Variants in TRPM1 observed in about 807,000 individuals in gnomAD.
TRPM1 encodes transient receptor potential cation channel subfamily M member 1, also known as TRPM1-203 APA Isoform, Intron 10.
A neutral mutation model predicts 149.4 loss-of-function variants in TRPM1; 113 were observed. The ratio of observed to expected loss-of-function variants is 0.76; its 90% CI spans 0.65 to 0.88. TRPM1 has a LOEUF of 0.88. Among genes scored for constraint, TRPM1 ranks in the 40% least tolerant of loss-of-function variants. The probability of loss-of-function intolerance (pLI) is 0.00; values close to 1 mark genes in which losing one functional copy is unlikely to be tolerated. For missense variants in TRPM1, 1,976 were observed against 2,038.7 expected, an observed-to-expected ratio of 0.97 and a Z score of 0.59; for synonymous variants, 741 against 759.5, an observed-to-expected ratio of 0.98 and a Z score of 0.40.
rs2033798324 is a variant in TRPM1 at position 31,047,227 on chromosome 15, TGTG to T, written c.1645_1647del (p.His549del). ...ACGAGCCCGATGTCTATGAGGCTGA[TGTG>T]GTAATCAGGCGGAAGGTTGCTCTGT... is the stretch of plus-strand genomic sequence containing the variant. On this transcript the variant is annotated inframe_deletion, in exon 15 of 28. Coordinates refer to ENST00000256552, the MANE Select transcript of TRPM1 (RefSeq NM_001252024.2). 1.2e-6 allele frequency: 2 copies of T among 1,614,210 alleles called. No homozygotes were observed. Among genetic ancestry groups the T allele is most frequent in the South Asian group, 1.1e-5 (1 of 91,086 alleles).
At chr15:31,157,124 A>G (rs1426079861) in intron 1 of TRPM1, among the ~76,000 whole-genome samples, 1 of 151,778 alleles carries the variant, frequency 6.6e-6, no homozygotes, top group Non-Finnish European at 1.5e-5. Context: ...TGTTGCCCAG[A>G]CTCGTCTCAA....
chr15:31,136,146 G>T (rs1454294509), intron 1 of TRPM1, among the ~76,000 whole-genome samples: 1 of 152,084 alleles, frequency 6.6e-6, no homozygotes. Flanking sequence ...CTTATCTCTG[G>T]GAGAGTGGGA....
intron 1 of TRPM1, among the ~76,000 whole-genome samples, chr15:31,135,478 A>T (rs2036076222): frequency 6.6e-6 from 1 of 152,242 alleles, no homozygotes; most frequent in Non-Finnish European, 1.5e-5. Context: ...ACCCAAGTAC[A>T]TGCATATGGA....
chr15:31,138,439 A>G (rs2036118551), intron 1 of TRPM1, among the ~76,000 whole-genome samples: 2 of 152,214 alleles, frequency 1.3e-5, no homozygotes, highest in South Asian at 4.1e-4. Flanking sequence ...GAAAAATTCA[A>G]TTGTGAGGGA....
intron 15 of TRPM1, 106 bp downstream of exon 15, chr15:31,047,005 A>C (rs2033784321): frequency 6.8e-7 from 1 of 1,478,582 alleles, no homozygotes; most frequent in Admixed American, 1.7e-5. Flanking sequence ...TGTGCTGGGG[A>C]CAGGGCGAAG....
Position 31,032,939 on chromosome 15 carries a change from A to T in TRPM1, c.2702T>A (p.Ile901Asn). 6.2e-7 allele frequency: 1 copy of T among 1,614,188 alleles called. No homozygotes were observed. The highest frequency in any genetic ancestry group is 8.5e-7 in the Non-Finnish European group (1 of 1,180,048). Residue 901 changes from isoleucine to asparagine, a missense_variant and splice_region_variant, in exon 22 of 28, where the codon ATC (isoleucine) becomes AAC (asparagine). Physicochemically the swap from Ile to Asn is moderately radical, Grantham distance 149 (BLOSUM62 -3). This residue lies in a region of TRPM1 where 1,332 missense variants were observed against 1,347.1 expected (regional missense o/e 0.99). Coordinates refer to ENST00000256552, the MANE Select transcript of TRPM1 (RefSeq NM_001252024.2). ...VSLALEKIRE[I>N]LMSEPGKLSQ... Reference sequence around the variant, plus strand: ...GAGTTTGCCTGGTTCTGACATGAGGATCTGAAAACAAACCCCAAAGAACAA... The same window carrying T: ...GAGTTTGCCTGGTTCTGACATGAGGTTCTGAAAACAAACCCCAAAGAACAA...
intron 16 of TRPM1, among the ~76,000 whole-genome samples, chr15:31,043,878 T>C (rs1323711992): frequency 6.6e-6 from 1 of 151,828 alleles, no homozygotes; most frequent in African/African-American, 2.4e-5. Context: ...TTTCCTAAAA[T>C]GCAAAGGCCT....
chr15:31,089,750 A>G (rs1367753355), intron 1 of TRPM1, among the ~76,000 whole-genome samples: 2 of 152,174 alleles, frequency 1.3e-5, no homozygotes, highest in African/African-American at 4.8e-5. Flanking sequence ...TTAGACTTGT[A>G]ATAGGTTAGT....
intron 11 of TRPM1, 132 bp from the exon 12 acceptor site, chr15:31,050,714 C>G (rs2140941374): frequency 1.0e-6 from 1 of 965,900 alleles, no homozygotes; most frequent in Non-Finnish European, 1.6e-6. Context: ...TACATGTGCA[C>G]ACCCACACAG....
intron 2 of TRPM1, among the ~76,000 whole-genome samples, chr15:31,079,076 T>C (rs1431285082): frequency 1.3e-5 from 2 of 152,146 alleles, no homozygotes; most frequent in South Asian, 2.1e-4. Context: ...TGAGCTAAAA[T>C]TAAAGTTATC....
intron 1 of TRPM1, among the ~76,000 whole-genome samples, chr15:31,136,740 G>GT (rs1555432713): frequency 7.1e-6 from 1 of 141,234 alleles, no homozygotes; most frequent in African/African-American, 2.6e-5. Context: ...TTCCTCAGCC[G>GT]CCCCCACCCT....
chr15:31,134,674 C>T (rs112174923), intron 1 of TRPM1, among the ~76,000 whole-genome samples: 81 of 152,324 alleles, frequency 5.3e-4, no homozygotes, highest in African/African-American at 1.8e-3. Flanking sequence ...GTATTTAAAC[C>T]TGAAGTCTAA....
At chr15:31,029,732 G>A (rs769351028) in intron 23 of TRPM1, among the ~76,000 whole-genome samples, 7 of 152,064 alleles carry the variant, frequency 4.6e-5, no homozygotes, top group East Asian at 3.8e-4. Flanking sequence ...AACCAATCAC[G>A]CGCTCCCTAT....
chr15:31,058,058 T>A (rs894024915), intron 11 of TRPM1, among the ~76,000 whole-genome samples: 2 of 152,134 alleles, frequency 1.3e-5, no homozygotes, highest in African/African-American at 2.4e-5. Flanking sequence ...AAGACTGCTA[T>A]TCTTTATAGC....
At chr15:31,026,038 G>A (rs2032721023) in intron 27 of TRPM1, 101 bp downstream of exon 27, 1 of 1,499,482 alleles carries the variant, frequency 6.7e-7, no homozygotes, top group Non-Finnish European at 9.2e-7. Context: ...AGGAGAACTC[G>A]GAGTGCATGT....
intron 1 of TRPM1, among the ~76,000 whole-genome samples, chr15:31,136,166 G>T (rs2036085817): frequency 6.6e-6 from 1 of 152,126 alleles, no homozygotes; most frequent in Non-Finnish European, 1.5e-5. Flanking sequence ...AGGAGGGGGT[G>T]GGAGGAGGTT....
At chr15:31,125,431 C>T (rs1488457675) in intron 1 of TRPM1, among the ~76,000 whole-genome samples, 2 of 152,018 alleles carry the variant, frequency 1.3e-5, no homozygotes, top group African/African-American at 4.8e-5. Context: ...AAATTCTAGC[C>T]ATTAAAAGAA....
At chr15:31,039,091 A>G (rs2033525410) in intron 18 of TRPM1, among the ~76,000 whole-genome samples, 2 of 150,978 alleles carry the variant, frequency 1.3e-5, no homozygotes. Flanking sequence ...TCTTAAACAG[A>G]TATTCTTTTC....
chr15:31,141,782 G>A (rs1302915635), intron 1 of TRPM1, among the ~76,000 whole-genome samples: 1 of 152,226 alleles, frequency 6.6e-6, no homozygotes, highest in East Asian at 1.9e-4. Flanking sequence ...GAAATTTTGT[G>A]TGTGATCAAG....
Sources: gnomAD v4.1 joint callset for allele counts (sites outside exome capture counted in the v4.1 genomes callset) on GRCh38, gnomAD v4.1.1 for gene constraint, gnomAD v4.1.1 regional missense constraint, MANE v1.5 for transcripts, NCBI Gene and HGNC (gene_info 2026-07-23, HGNC 2026-07-21) for gene names.